Variants in TMEM94 observed in about 807,000 individuals in gnomAD.
TMEM94 encodes ER Mg2+ ATPase.
Under a neutral mutation model 158.6 loss-of-function variants are expected in TMEM94, and 81 were observed. The ratio of observed to expected loss-of-function variants is 0.51; its 90% CI spans 0.43 to 0.61. The LOEUF is 0.61. TMEM94 is among the 20% of genes least tolerant of loss of function. The probability of loss-of-function intolerance (pLI) is 0.00; values close to 1 mark genes in which losing one functional copy is unlikely to be tolerated. For synonymous variants in TMEM94, 751 were observed against 730.7 expected, an observed-to-expected ratio of 1.03 and a Z score of -0.45; for missense variants, 1,435 against 1,762.0, an observed-to-expected ratio of 0.81 and a Z score of 3.32.
In TMEM94 at chr17:75,498,866, G is replaced by A; in HGVS notation, c.3828-46G>A. The A allele has an allele frequency of 2.0e-6, 3 of 1,525,604 alleles. No individual in the cohort carries two copies. The highest frequency in any genetic ancestry group is 2.6e-6 in the Non-Finnish European group (3 of 1,136,770). 94.5% of individuals were successfully genotyped at this position (1,525,604 alleles called of 1,614,324 possible). Reference sequence around the variant, plus strand: ...CTGTTGTACTGGGAAGAGCAGGGAAGGAAGCAAGCAGTGTCGGGTTCACAC... The same window carrying A: ...CTGTTGTACTGGGAAGAGCAGGGAAAGAAGCAAGCAGTGTCGGGTTCACAC... On this transcript the variant is annotated intron_variant, in intron 30 of 31. Transcript: ENST00000314256. The surrounding 1 kb of genome is among the most constrained non-coding windows in gnomAD (Gnocchi z 6.7).
chr17:75,491,670 T>C lies in TMEM94; in HGVS notation c.1387-21T>C. 6.2e-7 allele frequency: 1 copy of C among 1,612,478 alleles called. No homozygotes were observed. Among genetic ancestry groups the C allele is most frequent in the Non-Finnish European group, 8.5e-7 (1 of 1,178,772 alleles). ...GCCATGGGAGCCACTGGTCCTAGCC[T>C]GTGCTCCTCATTCTCTTCAGCCCCA... On this transcript the variant is annotated intron_variant, in intron 13 of 31. Transcript: ENST00000314256. The surrounding 1 kb of genome is among the most constrained non-coding windows in gnomAD (Gnocchi z 5.1).
At position 75,471,917 on chromosome 17, in the gene TMEM94, G is replaced by A; in HGVS notation, c.12G>A (p.Lys4=). 6.2e-7 allele frequency: 1 copy of A among 1,613,976 alleles called. No homozygotes were observed. The highest frequency in any genetic ancestry group is 8.5e-7 in the Non-Finnish European group (1 of 1,179,916). MDL[K]EKHLGEPPSA... ...AGTACTCTTGGCCCATGGACCTGAAGGAGAAGCACCTGGTAGGCCATATCC... is the reference window on the plus strand; with the variant it reads ...AGTACTCTTGGCCCATGGACCTGAAAGAGAAGCACCTGGTAGGCCATATCC... Residue 4 remains lysine, a synonymous_variant, in exon 2 of 32, where the codon AAG becomes AAA. Transcript: ENST00000314256.
At chr17:75,484,464 T>C (rs977009952) in intron 2 of TMEM94, among the ~76,000 whole-genome samples, 2 of 151,986 alleles carry the variant, frequency 1.3e-5, no homozygotes, top group African/African-American at 4.8e-5. Flanking sequence ...AGTGGCACAA[T>C]CACAGCTCAC....
At chr17:75,473,619 T>A (rs1021607032) in intron 2 of TMEM94, among the ~76,000 whole-genome samples, 2 of 152,194 alleles carry the variant, frequency 1.3e-5, no homozygotes, top group Non-Finnish European at 2.9e-5. Flanking sequence ...CCCAGCTGGA[T>A]AGCTCTCAGG....
At position 75,500,058 on chromosome 17, in the gene TMEM94, T is replaced by G. The variant is rs936760393; in HGVS notation, c.*724T>G. The G allele has an allele frequency of 2.0e-5, 3 of 152,616 alleles. No homozygotes were observed. The highest frequency in any genetic ancestry group is 7.2e-5 in the African/African-American group (3 of 41,456). 9.5% of individuals were successfully genotyped at this position (152,616 alleles called of 1,614,324 possible). On this transcript the variant is annotated 3_prime_UTR_variant, in exon 32 of 32. Transcript: ENST00000314256. ...CCTTTTAGGAATGAATGTAGACTGG[T>G]TTGTATTAAAATGTGTCAATTGCTA...
At chr17:75,483,858 A>G (rs957952018) in intron 2 of TMEM94, among the ~76,000 whole-genome samples, 5 of 152,152 alleles carry the variant, frequency 3.3e-5, no homozygotes, top group African/African-American at 1.2e-4. Flanking sequence ...TCAGACTTGA[A>G]GTAAAATAGG....
chr17:75,491,967 A>T lies in TMEM94; in HGVS notation c.1596+67A>T. 1 of 1,479,388 alleles carries T rather than the reference A, an allele frequency of 6.8e-7. No homozygotes were observed. The highest frequency in any genetic ancestry group is 2.5e-5 in the East Asian group (1 of 40,742). The allele number at this position is 1,479,388 out of a possible 1,614,324, so 91.6% of individuals were successfully genotyped here. ...ACAGGCTGTCCTGGCCTCCCTGGCCAGCCTGGCCTCACAAGGTCTGAAAGA... is the reference window on the plus strand; with the variant it reads ...ACAGGCTGTCCTGGCCTCCCTGGCCTGCCTGGCCTCACAAGGTCTGAAAGA... On this transcript the variant is annotated intron_variant, in intron 14 of 31. Coordinates refer to ENST00000314256, the MANE Select transcript of TMEM94 (RefSeq NM_014738.6). The surrounding 1 kb of genome is among the most constrained non-coding windows in gnomAD (Gnocchi z 5.1).
In TMEM94 at chr17:75,499,371, T is replaced by C. The variant is rs200673270; in HGVS notation, c.*37T>C. On this transcript the variant is annotated 3_prime_UTR_variant, in exon 32 of 32. Transcript: ENST00000314256. The stretch of plus-strand genomic sequence containing the variant: ...TGGTGGCTGTAGTTGCCCCCGTCCC[T>C]GGGGCTAAAGCCAGACCCATTTCTG... The C allele has an allele frequency of 4.4e-6, 7 of 1,578,436 alleles. No homozygotes were observed. The East Asian group carries it at 1.6e-4, about 35-fold the overall frequency.
chr17:75,499,224 T>C, intron 31 of TMEM94, 38 bp from the exon 32 acceptor site: 1 of 1,612,110 alleles, frequency 6.2e-7, no homozygotes, highest in Non-Finnish European at 8.5e-7. Flanking sequence ...GGTCTAAGGA[T>C]CTTTGCCAAC....
At chr17:75,476,836 G>A in intron 2 of TMEM94, 1 of 1,516,900 alleles carries the variant, frequency 6.6e-7, no homozygotes, top group South Asian at 1.2e-5. Context: ...TGCTGTGAGA[G>A]TCCTGAAGAC....
chr17:75,463,337 T>C (rs897074133), intron 1 of TMEM94, among the ~76,000 whole-genome samples: 1 of 151,448 alleles, frequency 6.6e-6, no homozygotes, highest in East Asian at 1.9e-4. Flanking sequence ...TTTCTAGCCC[T>C]GCTTGCACCC....
Position 75,489,710 on chromosome 17 carries a change from G to T in TMEM94, c.954+48G>T, listed in dbSNP as rs373405655. ...TGTCATGCTTCCCTCCGACCCGCAGGGCTGGCTCTTCTCCTAGTACCCTGG... is the reference window on the plus strand; with the variant it reads ...TGTCATGCTTCCCTCCGACCCGCAGTGCTGGCTCTTCTCCTAGTACCCTGG... On this transcript the variant is annotated intron_variant, in intron 9 of 31. Coordinates refer to ENST00000314256, the MANE Select transcript of TMEM94 (RefSeq NM_014738.6). The surrounding 1 kb of genome is among the most constrained non-coding windows in gnomAD (Gnocchi z 5.0). The T allele has an allele frequency of 2.0e-6, 3 of 1,502,788 alleles. No individual in the cohort carries two copies. The highest frequency in any genetic ancestry group is 1.4e-5 in the African/African-American group (1 of 72,594). The allele number at this position is 1,502,788 out of a possible 1,614,324, so 93.1% of individuals were successfully genotyped here.
At chr17:75,496,108 C>T (rs957370605) in intron 23 of TMEM94, 34 bp downstream of exon 23, 2 of 1,560,728 alleles carry the variant, frequency 1.3e-6, no homozygotes, top group Non-Finnish European at 1.8e-6. Flanking sequence ...GCGGGCCAGC[C>T]TCTACCTCCC....
intron 18 of TMEM94, 131 bp from the exon 19 acceptor site, chr17:75,494,496 G>A (rs761607405): frequency 4.5e-5 from 36 of 802,582 alleles, no homozygotes; most frequent in Admixed American, 1.2e-4. Flanking sequence ...CGGCTCCTTC[G>A]TGTGTCTTGG....
At position 75,489,510 on chromosome 17, in the gene TMEM94, G is replaced by A; in HGVS notation, c.868-66G>A. 6.6e-7 allele frequency: 1 copy of A among 1,516,830 alleles called. No individual in the cohort carries two copies. Among genetic ancestry groups the A allele is most frequent in the Non-Finnish European group, 9.2e-7 (1 of 1,091,824 alleles). The allele number at this position is 1,516,830 out of a possible 1,614,324, so 94.0% of individuals were successfully genotyped here. A position where few individuals can be genotyped will look rare whatever the true frequency, so the allele number is the denominator to read the frequency against. On this transcript the variant is annotated intron_variant, in intron 8 of 31. Coordinates refer to ENST00000314256, the MANE Select transcript of TMEM94 (RefSeq NM_014738.6). The surrounding 1 kb of genome is among the most constrained non-coding windows in gnomAD (Gnocchi z 5.0). ...AGCCTGTGGAGTAGCAAAGGAAGGG[G>A]AACGGCAGTGCCTGGGTCCCTCTAG...
intron 1 of TMEM94, among the ~76,000 whole-genome samples, 179 bp from the exon 2 acceptor site, chr17:75,471,621 A>G (rs536938735): frequency 6.6e-6 from 1 of 151,944 alleles, no homozygotes; most frequent in African/African-American, 2.4e-5. Flanking sequence ...CTCGGAAGCA[A>G]GAGAATCGCT....
Position 75,489,474 on chromosome 17 carries a change from C to T in TMEM94, c.868-102C>T, listed in dbSNP as rs953686359. The T allele has an allele frequency of 8.1e-6, 12 of 1,474,402 alleles. No homozygotes were observed. In the East Asian group the frequency reaches 2.7e-4, roughly 34 times the overall value. 91.3% of individuals were successfully genotyped at this position (1,474,402 alleles called of 1,614,324 possible). ...GAGCGGGAGTGAATGCAGAGGGTCC[C>T]AGAGTGAGCCAGCCTGTGGAGTAGC... On this transcript the variant is annotated intron_variant, in intron 8 of 31. Transcript: ENST00000314256. This position sits in a 1 kb window ranked among gnomAD's most constrained non-coding sequence, Gnocchi z 5.0.
rs1236897123 is a variant in TMEM94 at position 75,493,479 on chromosome 17, T to A, written c.2087-12T>A. ...GGTTAGCGACACTCAGGGTTTGAACTCTCTCCCCCAGGCACAGAGCAGATG... is the reference window on the plus strand; with the variant it reads ...GGTTAGCGACACTCAGGGTTTGAACACTCTCCCCCAGGCACAGAGCAGATG... On this transcript the variant is annotated splice_polypyrimidine_tract_variant and intron_variant, in intron 16 of 31. Transcript: ENST00000314256. 1 of 1,613,122 alleles carries A rather than the reference T, an allele frequency of 6.2e-7. No homozygotes were observed. The highest frequency in any genetic ancestry group is 1.1e-5 in the South Asian group (1 of 91,070).
chr17:75,458,264 G>A (rs2049953512), intron 1 of TMEM94, among the ~76,000 whole-genome samples: 1 of 152,056 alleles, frequency 6.6e-6, no homozygotes, highest in East Asian at 1.9e-4. Flanking sequence ...GAAGAGAGAA[G>A]AAATGGCACT....
Sources: gnomAD v4.1 joint callset for allele counts (sites outside exome capture counted in the v4.1 genomes callset) on GRCh38, gnomAD v4.1.1 for gene constraint, Gnocchi (gnomAD v3.1) non-coding constraint, MANE v1.5 for transcripts, NCBI Gene and HGNC (gene_info 2026-07-23, HGNC 2026-07-21) for gene names.